Variants in CPLANE1 observed in about 807,000 individuals in gnomAD.
CPLANE1 encodes ciliogenesis and planar polarity effector complex subunit 1.
A neutral mutation model predicts 362.5 loss-of-function variants in CPLANE1; 263 were observed. That is an observed-to-expected ratio of 0.73 (90% CI 0.66 to 0.80). CPLANE1 has a LOEUF of 0.80. Among genes scored for constraint, CPLANE1 ranks in the 30% least tolerant of loss-of-function variants. CPLANE1 has a pLI of 0.00. For missense variants in CPLANE1, 3,461 were observed against 3,793.4 expected (o/e 0.91, Z 2.30); for synonymous variants, 1,212 against 1,302.6 (o/e 0.93, Z 1.50).
intron 16 of CPLANE1, chr5:37,211,569 T>A (rs1792603740): frequency 2.9e-6 from 3 of 1,051,974 alleles, no homozygotes; most frequent in Non-Finnish European, 4.5e-6. Flanking sequence ...CAGACGCCTC[T>A]CCTCCACACC....
At chr5:37,088,569 T>C in the CPLANE1 span, among the ~76,000 whole-genome samples, 1 of 152,286 alleles carries the variant, frequency 6.6e-6, no homozygotes, top group Middle Eastern at 3.4e-3. Flanking sequence ...CATGTGTAAA[T>C]TTGATAAAAA....
At chr5:37,163,209 T>C (rs540083837) in intron 37 of CPLANE1, among the ~76,000 whole-genome samples, 28 of 152,284 alleles carry the variant, frequency 1.8e-4, no homozygotes, top group Non-Finnish European at 2.5e-4. Flanking sequence ...TGGATATACC[T>C]AGTAATGGTG....
At chr5:37,150,864 G>A (rs1462772723) in intron 42 of CPLANE1, among the ~76,000 whole-genome samples, 2 of 152,088 alleles carry the variant, frequency 1.3e-5, no homozygotes, top group East Asian at 1.9e-4. Context: ...CAGGGAAATG[G>A]GGCCCAGGAA....
At chr5:37,167,253 A>C in intron 34 of CPLANE1, 40 bp from the exon 35 acceptor site, 1 of 1,493,482 alleles carries the variant, frequency 6.7e-7, no homozygotes, top group South Asian at 1.2e-5. Flanking sequence ...ACAAATTGCA[A>C]ACTCAATTAT....
At chr5:37,201,528 T>C (rs1789183201) in intron 19 of CPLANE1, 63 bp downstream of exon 19, 1 of 1,358,576 alleles carries the variant, frequency 7.4e-7, no homozygotes. Flanking sequence ...ATCAAGTTAA[T>C]TATTTTAAAA....
At chr5:37,208,538 G>A (rs2150160269) in intron 16 of CPLANE1, among the ~76,000 whole-genome samples, 1 of 152,240 alleles carries the variant, frequency 6.6e-6, no homozygotes, top group Admixed American at 6.5e-5. Context: ...TTAGCCCAGC[G>A]AGGTGGTGGG....
intron 16 of CPLANE1, among the ~76,000 whole-genome samples, chr5:37,208,941 AAAAAAAAGAAAAG>A (rs1791731472): frequency 8.3e-6 from 1 of 119,768 alleles, no homozygotes; most frequent in South Asian, 2.7e-4. Context: ...ACAGATGAAA[AAAAAAAAGAAAAG>A]AAAAAAAGAA....
intron 9 of CPLANE1, among the ~76,000 whole-genome samples, chr5:37,229,412 G>A (rs1034721564): frequency 1.3e-5 from 2 of 151,556 alleles, no homozygotes; most frequent in Non-Finnish European, 2.9e-5. Flanking sequence ...GGTGGCGGGC[G>A]CCTGTAGTCC....
chr5:37,193,987 T>C (rs1291673024), intron 21 of CPLANE1, among the ~76,000 whole-genome samples: 1 of 149,936 alleles, frequency 6.7e-6, no homozygotes, highest in Non-Finnish European at 1.5e-5. Flanking sequence ...AATGGTGCAA[T>C]CTTGGCTCAC....
chr5:37,213,939 C>T (rs1400340875), intron 15 of CPLANE1, among the ~76,000 whole-genome samples: 1 of 152,080 alleles, frequency 6.6e-6, no homozygotes, highest in Non-Finnish European at 1.5e-5. Flanking sequence ...CCTTGAACTT[C>T]ACGGGTTTGA....
chr5:37,185,224 C>G, intron 24 of CPLANE1, 145 bp from the exon 25 acceptor site: 1 of 667,042 alleles, frequency 1.5e-6, no homozygotes, highest in Non-Finnish European at 2.4e-6. Context: ...GTCGTGTTTT[C>G]TTCAGTATTT....
intron 51 of CPLANE1, among the ~76,000 whole-genome samples, chr5:37,111,287 AT>A (rs1253221080): frequency 8.6e-5 from 12 of 139,184 alleles, no homozygotes; most frequent in Non-Finnish European, 1.2e-4. Flanking sequence ...TGCCTAGCTA[AT>A]TTTTTTTTTG....
intron 46 of CPLANE1, among the ~76,000 whole-genome samples, chr5:37,127,218 C>A (rs1434486019): frequency 2.0e-5 from 3 of 152,226 alleles, no homozygotes; most frequent in Admixed American, 6.5e-5. Flanking sequence ...ATGAAAACGA[C>A]TATTTGCTGA....
chr5:37,077,540 G>GAGAC, the CPLANE1 span, among the ~76,000 whole-genome samples: 4,530 of 149,128 alleles, frequency 0.03, 111 homozygotes, highest in Non-Finnish European at 0.045. Flanking sequence ...TGGGTCTTAA[G>GAGAC]AGACAGACAG....
At chr5:37,181,247 G>T (rs1782586261) in intron 26 of CPLANE1, among the ~76,000 whole-genome samples, 2 of 152,124 alleles carry the variant, frequency 1.3e-5, no homozygotes, top group Non-Finnish European at 2.9e-5. Flanking sequence ...TTACAAATTT[G>T]TAAGGCATAT....
rs1351129640 is a variant in CPLANE1 at position 37,177,731 on chromosome 5, A to G, written c.5821-31T>C. 2.0e-6 allele frequency: 3 copies of G among 1,533,840 alleles called. No homozygotes were observed. The South Asian group carries it at 3.4e-5, about 17-fold the overall frequency. ...AAAATGAATAGTACCCAAAAAGAAAACAGGTAAAACAAATAGGTATTACTG... is the reference window on the plus strand; with the variant it reads ...AAAATGAATAGTACCCAAAAAGAAAGCAGGTAAAACAAATAGGTATTACTG... On this transcript the variant is annotated intron_variant, in intron 29 of 52. Transcript: ENST00000651892.
chr5:37,183,836 T>C (rs2151161175), intron 25 of CPLANE1, 137 bp from the exon 26 acceptor site: 1 of 608,978 alleles, frequency 1.6e-6, no homozygotes, highest in Non-Finnish European at 2.8e-6. Flanking sequence ...ACATTTCAAA[T>C]GAGGGAGTGG....
At chr5:37,112,427 A>G (rs1055289588) in intron 51 of CPLANE1, among the ~76,000 whole-genome samples, 1 of 152,244 alleles carries the variant, frequency 6.6e-6, no homozygotes, top group Non-Finnish European at 1.5e-5. Flanking sequence ...GAAACTGAGC[A>G]TGCATAAGAC....
At chr5:37,152,099 T>C (rs1353975211) in intron 42 of CPLANE1, among the ~76,000 whole-genome samples, 1 of 152,196 alleles carries the variant, frequency 6.6e-6, no homozygotes, top group Non-Finnish European at 1.5e-5. Context: ...ACCTGGAATT[T>C]TTGTAAGGTA....
Sources: gnomAD v4.1 joint callset for allele counts (sites outside exome capture counted in the v4.1 genomes callset) on GRCh38, gnomAD v4.1.1 for gene constraint, MANE v1.5 for transcripts, NCBI Gene and HGNC (gene_info 2026-07-23, HGNC 2026-07-21) for gene names.